Variants in GPR161 observed in about 807,000 individuals in gnomAD.
The protein encoded by GPR161 is G-protein coupled receptor RE2.
In GPR161, 25 loss-of-function variants were observed where a neutral mutation model predicts 39.2. That is an observed-to-expected ratio of 0.64 (90% CI 0.47 to 0.89). The LOEUF is 0.89. Among genes scored for constraint, GPR161 ranks in the 40% least tolerant of loss-of-function variants. The pLI is 0.00. For missense variants in GPR161, 547 were observed against 677.8 expected (o/e 0.81, Z 2.14); for synonymous variants, 286 against 276.6 (o/e 1.03, Z -0.34).
At chr1:168,095,245 T>C (rs2102132293) in intron 3 of GPR161, among the ~76,000 whole-genome samples, 1 of 152,308 alleles carries the variant, frequency 6.6e-6, no homozygotes, top group Admixed American at 6.5e-5. Context: ...TTGTCAAAGA[T>C]TGACTAAGAC....
chr1:168,119,270 GTATATA>G (rs142792333), intron 1 of GPR161, among the ~76,000 whole-genome samples: 1 of 108,242 alleles, frequency 9.2e-6, no homozygotes, highest in East Asian at 2.6e-4. Context: ...ATATATATGT[GTATATA>G]TATATATATA....
chr1:168,091,925 A>G (rs1695101475), intron 3 of GPR161, among the ~76,000 whole-genome samples: 1 of 151,844 alleles, frequency 6.6e-6, no homozygotes, highest in African/African-American at 2.4e-5. Flanking sequence ...GTATTTTATG[A>G]TACACTCACA....
chr1:168,123,533 T>TAC (rs879589931), intron 1 of GPR161, among the ~76,000 whole-genome samples: 13 of 97,570 alleles, frequency 1.3e-4, no homozygotes, highest in Admixed American at 2.6e-4. Flanking sequence ...GATATGCACA[T>TAC]ACATACACAC....
At position 168,098,411 on chromosome 1, in the gene GPR161, C is replaced by G. The variant is rs1695761058; in HGVS notation, c.375-1179G>C. Among the ~76,000 whole-genome samples, 1 of 152,240 alleles carries G rather than the reference C, an allele frequency of 6.6e-6. No homozygotes were observed. Among genetic ancestry groups the G allele is most frequent in the South Asian group, 2.1e-4 (1 of 4,838 alleles). ...TGAAAGTCAACCACCACCCTCCCAA[C>G]CCCGACATTTTATCCAAGGGAAATA... On this transcript the variant is annotated intron_variant, in intron 2 of 5. Transcript: ENST00000682931. This position sits in a 1 kb window ranked among gnomAD's most constrained non-coding sequence, Gnocchi z 4.1.
At chr1:168,086,662 G>A (rs374316863) in intron 5 of GPR161, among the ~76,000 whole-genome samples, 3 of 152,192 alleles carry the variant, frequency 2.0e-5, no homozygotes, top group Admixed American at 6.5e-5. Flanking sequence ...GTGGCCCTAC[G>A]TGGGCTGGGG....
intron 1 of GPR161, 22 bp from the exon 2 acceptor site, chr1:168,104,916 A>C (rs1363702766): frequency 1.3e-6 from 2 of 1,573,656 alleles, no homozygotes. Context: ...AGGCAGGACC[A>C]GGGGACAGGA....
intron 5 of GPR161, among the ~76,000 whole-genome samples, chr1:168,086,767 T>C (rs977653077): frequency 5.9e-5 from 9 of 152,222 alleles, no homozygotes; most frequent in African/African-American, 2.2e-4. Flanking sequence ...TATAATCTGC[T>C]TTGCCAGTGA....
chr1:168,087,527 C>T, intron 5 of GPR161, 58 bp downstream of exon 5: 3 of 1,601,452 alleles, frequency 1.9e-6, no homozygotes, highest in Non-Finnish European at 2.6e-6. Flanking sequence ...AAGGAATTGT[C>T]CTAAGATCCT....
intron 1 of GPR161, among the ~76,000 whole-genome samples, chr1:168,132,092 C>T (rs1355460786): frequency 6.6e-6 from 1 of 152,070 alleles, no homozygotes; most frequent in Non-Finnish European, 1.5e-5. Flanking sequence ...TGGTGAAACC[C>T]CTTCTCTACT....
chr1:168,080,167 T>C lies in GPR161; in HGVS notation c.*5364A>G, dbSNP rs1052399100. The C allele has an allele frequency of 6.6e-6, 1 of 152,202 alleles. No homozygotes were observed. Among genetic ancestry groups the C allele is most frequent in the Non-Finnish European group, 1.5e-5 (1 of 68,036 alleles). The allele number at this position is 152,202 out of a possible 1,614,324, so 9.4% of individuals were successfully genotyped here. A position where few individuals can be genotyped will look rare whatever the true frequency, so the allele number is the denominator to read the frequency against. On this transcript the variant is annotated 3_prime_UTR_variant, in exon 6 of 6. Coordinates refer to ENST00000682931, the MANE Select transcript of GPR161 (RefSeq NM_001375883.1). ...GAGTCCAGTCACTTTCCTTGGGCCT[T>C]CAGTTTTTTTTAGGTCTGGCCAGCA...
Position 168,087,593 on chromosome 1 carries a change from T to C in GPR161, c.1316A>G (p.Gln439Arg). The C allele has an allele frequency of 6.2e-7, 1 of 1,614,186 alleles. No individual in the cohort carries two copies. The highest frequency in any genetic ancestry group is 1.1e-5 in the South Asian group (1 of 91,082). Reference protein sequence around the residue: ...SSVTFEDEVEQIKEAAKNSIL... With the variant: ...SSVTFEDEVERIKEAAKNSIL... ...CAGTCACAGAAGCCAACCTTTGATT[T>C]GTTCCACTTCATCCTCAAATGTCAC... Residue 439 changes from glutamine (Q) to arginine (R), a missense_variant, in exon 5 of 6, where the codon CAA becomes CGA. Physicochemically the swap from Gln to Arg is conservative, Grantham distance 43. Coordinates refer to ENST00000682931, the MANE Select transcript of GPR161 (RefSeq NM_001375883.1).
intron 3 of GPR161, among the ~76,000 whole-genome samples, chr1:168,093,663 G>T (rs1695262297): frequency 6.6e-6 from 1 of 152,214 alleles, no homozygotes; most frequent in Non-Finnish European, 1.5e-5. Context: ...TTAACACTAA[G>T]GTGAGCCAGT....
chr1:168,124,675 T>C (rs996766386), intron 1 of GPR161, among the ~76,000 whole-genome samples: 1 of 152,212 alleles, frequency 6.6e-6, no homozygotes, highest in Non-Finnish European at 1.5e-5. Context: ...AGGTCATTTA[T>C]ATGGTTTGGA....
At chr1:168,132,681 A>C (rs1699092392) in intron 1 of GPR161, among the ~76,000 whole-genome samples, 1 of 152,086 alleles carries the variant, frequency 6.6e-6, no homozygotes, top group Non-Finnish European at 1.5e-5. Context: ...ATATGCTATC[A>C]TATTTATTTC....
At position 168,080,694 on chromosome 1, in the gene GPR161, C is replaced by G. The variant is rs917568303; in HGVS notation, c.*4837G>C. On this transcript the variant is annotated 3_prime_UTR_variant, in exon 6 of 6. Coordinates refer to ENST00000682931, the MANE Select transcript of GPR161 (RefSeq NM_001375883.1). Reference sequence around the variant, plus strand: ...GTCCTCAGCAACCAAGGGCATTTCTCAGGGAGAATGTCCTTTCTGGACTGT... The same window carrying G: ...GTCCTCAGCAACCAAGGGCATTTCTGAGGGAGAATGTCCTTTCTGGACTGT... 7 of 152,196 alleles carry G rather than the reference C, an allele frequency of 4.6e-5. No individual in the cohort carries two copies. The highest frequency in any genetic ancestry group is 1.0e-4 in the Non-Finnish European group (7 of 68,062). 9.4% of individuals were successfully genotyped at this position (152,196 alleles called of 1,614,324 possible).
Position 168,098,917 on chromosome 1 carries a change from T to C in GPR161, c.375-1685A>G, listed in dbSNP as rs964813313. ...GTTCAGATGGAGGCTCTGATGTCTATTAGCTATGTGACCTCAGCTAATTGA... is the reference window on the plus strand; with the variant it reads ...GTTCAGATGGAGGCTCTGATGTCTACTAGCTATGTGACCTCAGCTAATTGA... On this transcript the variant is annotated intron_variant, in intron 2 of 5. Transcript: ENST00000682931. This position sits in a 1 kb window ranked among gnomAD's most constrained non-coding sequence, Gnocchi z 4.1. Among the ~76,000 whole-genome samples, 4 of 152,218 alleles carry C rather than the reference T, an allele frequency of 2.6e-5. No individual in the cohort carries two copies. Among genetic ancestry groups the C allele is most frequent in the African/African-American group, 9.6e-5 (4 of 41,462 alleles).
In GPR161 at chr1:168,085,600, A is replaced by C; in HGVS notation, c.1521T>G (p.Thr507=). Residue 507 remains threonine, a synonymous_variant, in exon 6 of 6, where the codon ACT becomes ACG. Transcript: ENST00000682931. ...GGFGGRRGSR[T]LVSQRLQLQS... ...GCAACTGCAGCCTCTGGCTCACAAGAGTTCTGCTGCCTCGGCGGCCCCCGA... is the reference window on the plus strand; with the variant it reads ...GCAACTGCAGCCTCTGGCTCACAAGCGTTCTGCTGCCTCGGCGGCCCCCGA... The C allele has an allele frequency of 6.2e-7, 1 of 1,614,048 alleles. No individual in the cohort carries two copies. Among genetic ancestry groups the C allele is most frequent in the Non-Finnish European group, 8.5e-7 (1 of 1,180,002 alleles).
At chr1:168,112,002 A>G (rs1697214164) in intron 1 of GPR161, among the ~76,000 whole-genome samples, 1 of 151,870 alleles carries the variant, frequency 6.6e-6, no homozygotes, top group Non-Finnish European at 1.5e-5. Context: ...ATGGAATAAT[A>G]TCTAAGGAAA....
At chr1:168,092,776 C>T (rs1390686934) in intron 3 of GPR161, among the ~76,000 whole-genome samples, 4 of 152,222 alleles carry the variant, frequency 2.6e-5, no homozygotes, top group Admixed American at 1.3e-4. Flanking sequence ...GTCACCCTCC[C>T]CGCCCTCAAG....
Sources: allele counts gnomAD v4.1 joint callset (sites outside exome capture counted in the v4.1 genomes callset), GRCh38; gene constraint gnomAD v4.1.1; non-coding constraint Gnocchi (gnomAD v3.1); transcripts MANE v1.5; gene names NCBI Gene and HGNC (gene_info 2026-07-23, HGNC 2026-07-21).